The following VGLL3 variants were observed in gnomAD, a reference collection of about 807,000 sequenced individuals.
VGLL3 encodes the protein transcription cofactor vestigial-like protein 3.
In VGLL3, 18 loss-of-function variants were observed where a neutral mutation model predicts 29.2. The observed-to-expected ratio is 0.62, with a 90% confidence interval of 0.43 to 0.91. VGLL3 has a LOEUF of 0.91. Ranked by LOEUF, VGLL3 falls within the 40% of genes least tolerant of loss-of-function variation. The probability of loss-of-function intolerance (pLI) is 0.00; values close to 1 mark genes in which losing one functional copy is unlikely to be tolerated. For missense variants in VGLL3, 440 were observed against 413.2 expected (o/e 1.06, Z -0.56); for synonymous variants, 180 against 151.8 (o/e 1.19, Z -1.36).
intron 1 of VGLL3, among the ~76,000 whole-genome samples, chr3:86,982,722 C>A (rs768035940): frequency 6.6e-6 from 1 of 152,058 alleles, no homozygotes; most frequent in Non-Finnish European, 1.5e-5. Flanking sequence ...TTATGTTTTT[C>A]TTCGAAGACC....
Position 86,964,616 on chromosome 3 carries a change from A to G in VGLL3, c.937+3974T>C, listed in dbSNP as rs558100182. Among the ~76,000 whole-genome samples, 4 of 152,324 alleles carry G rather than the reference A, an allele frequency of 2.6e-5. No homozygotes were observed. The South Asian group carries it at 8.3e-4, about 32-fold the overall frequency. The stretch of plus-strand genomic sequence containing the variant: ...TGAGGGTGGAGGCCTCATGAATGGC[A>G]TTAGTGCCCTTATAAAAGAGATCCT... On this transcript the variant is annotated intron_variant, in intron 3 of 3. Coordinates refer to ENST00000398399, the MANE Select transcript of VGLL3 (RefSeq NM_016206.4).
intron 3 of VGLL3, chr3:86,962,246 C>T (rs1199012498): frequency 1.0e-6 from 1 of 985,238 alleles, no homozygotes; most frequent in Admixed American, 6.1e-5. Context: ...TATGTAATAC[C>T]TGTTCAACAG....
intron 3 of VGLL3, among the ~76,000 whole-genome samples, chr3:86,947,587 T>G (rs888089658): frequency 3.9e-5 from 6 of 152,084 alleles, no homozygotes; most frequent in Non-Finnish European, 7.4e-5. Flanking sequence ...AAAAACTGAG[T>G]CTACTATAGT....
At chr3:86,974,068 G>T (rs1960268) in intron 2 of VGLL3, among the ~76,000 whole-genome samples, 112,804 of 151,818 alleles carry the variant, frequency 0.74, 42,017 homozygotes, top group East Asian at 0.8. Flanking sequence ...AGGGTATCAA[G>T]AAACATATAT....
intron 3 of VGLL3, among the ~76,000 whole-genome samples, chr3:86,951,094 A>G (rs1281043800): frequency 6.6e-6 from 1 of 152,168 alleles, no homozygotes; most frequent in Non-Finnish European, 1.5e-5. Context: ...CATAAAAAAA[A>G]AGACACCCAC....
intron 3 of VGLL3, among the ~76,000 whole-genome samples, chr3:86,950,354 T>C (rs1055748607): frequency 6.6e-6 from 1 of 152,228 alleles, no homozygotes; most frequent in Non-Finnish European, 1.5e-5. Context: ...TTCATGCTCC[T>C]AATCATGCTA....
chr3:86,963,012 T>C, intron 3 of VGLL3: 1 of 242,696 alleles, frequency 4.1e-6, no homozygotes, highest in South Asian at 3.4e-5. Flanking sequence ...GGACAATTGG[T>C]TGAACTCGGG....
intron 1 of VGLL3, among the ~76,000 whole-genome samples, chr3:86,981,495 T>C (rs1705323150): frequency 6.6e-6 from 1 of 151,958 alleles, no homozygotes; most frequent in Middle Eastern, 3.4e-3. Flanking sequence ...TTTTATTTCA[T>C]ATATGTAATA....
rs966710058 is a variant in VGLL3, at chr3:86,940,615, A to G, written c.*6409T>C. 7 of 152,536 alleles carry G rather than the reference A, an allele frequency of 4.6e-5. No homozygotes were observed. The highest frequency in any genetic ancestry group is 1.9e-4 in the East Asian group (1 of 5,190). The allele number at this position is 152,536 out of a possible 1,614,324, so 9.4% of individuals were successfully genotyped here. A position where few individuals can be genotyped will look rare whatever the true frequency, so the allele number is the denominator to read the frequency against. On this transcript the variant is annotated 3_prime_UTR_variant, in exon 4 of 4. Transcript: ENST00000398399. ...GAAATGCAGACCAAATCCAAATGCT[A>G]TGTTAAAATACAAACATTCAATTCA...
At chr3:86,949,376 T>C (rs1704567727) in intron 3 of VGLL3, among the ~76,000 whole-genome samples, 1 of 152,162 alleles carries the variant, frequency 6.6e-6, no homozygotes, top group African/African-American at 2.4e-5. Flanking sequence ...AGATATCTAA[T>C]GGACCCTTGT....
intron 2 of VGLL3, among the ~76,000 whole-genome samples, chr3:86,973,975 G>T (rs539621197): frequency 6.6e-6 from 1 of 152,158 alleles, no homozygotes; most frequent in South Asian, 2.1e-4. Context: ...TCAGTGCATA[G>T]GCATATTTGA....
intron 2 of VGLL3, among the ~76,000 whole-genome samples, chr3:86,975,267 T>C (rs530490484): frequency 1.3e-5 from 2 of 152,296 alleles, no homozygotes; most frequent in Admixed American, 6.5e-5. Flanking sequence ...TTTATGAGAA[T>C]AAAAATGTGA....
Position 86,938,287 on chromosome 3 carries a change from A to T in VGLL3, c.*8737T>A, listed in dbSNP as rs1329662757. 1 of 152,328 alleles carries T rather than the reference A, an allele frequency of 6.6e-6. No individual in the cohort carries two copies. Among genetic ancestry groups the T allele is most frequent in the Non-Finnish European group, 1.5e-5 (1 of 68,044 alleles). 9.4% of individuals were successfully genotyped at this position (152,328 alleles called of 1,614,324 possible). ...AGAAGTATTTTTTGTAAGAAAAATG[A>T]TAACACTGGACAGATTTTTCATGTA... On this transcript the variant is annotated 3_prime_UTR_variant, in exon 4 of 4. Coordinates refer to ENST00000398399, the MANE Select transcript of VGLL3 (RefSeq NM_016206.4).
At chr3:86,987,608 G>A (rs1042802800) in intron 1 of VGLL3, among the ~76,000 whole-genome samples, 8 of 152,272 alleles carry the variant, frequency 5.3e-5, no homozygotes, top group Admixed American at 1.3e-4. Context: ...AGAAAGAGAT[G>A]GTGGGCATGC....
At chr3:86,952,336 T>C (rs2106968314) in intron 3 of VGLL3, among the ~76,000 whole-genome samples, 1 of 152,312 alleles carries the variant, frequency 6.6e-6, no homozygotes, top group Non-Finnish European at 1.5e-5. Context: ...TTAGGTACTG[T>C]TTGTTTGTCA....
intron 2 of VGLL3, among the ~76,000 whole-genome samples, chr3:86,974,123 T>TA (rs1705160742): frequency 6.9e-6 from 1 of 144,880 alleles, no homozygotes; most frequent in African/African-American, 2.5e-5. Flanking sequence ...GGTTTGTTAT[T>TA]TTTTTTTTTT....
chr3:86,946,417 GA>G lies in VGLL3; in HGVS notation c.*606del, dbSNP rs1370149758. ...ACGGTATAGCTACTTTTGTAAGAAG[GA>G]AAAAAACAAAACATTTGAGGTAACC... On this transcript the variant is annotated 3_prime_UTR_variant, in exon 4 of 4. Transcript: ENST00000398399. 1.3e-5 allele frequency: 2 copies of G among 151,992 alleles called. No individual in the cohort carries two copies. The highest frequency in any genetic ancestry group is 1.9e-4 in the East Asian group (1 of 5,190). 9.4% of individuals were successfully genotyped at this position (151,992 alleles called of 1,614,324 possible). A position where few individuals can be genotyped will look rare whatever the true frequency, so the allele number is the denominator to read the frequency against.
At chr3:86,951,980 G>A (rs1320105506) in intron 3 of VGLL3, among the ~76,000 whole-genome samples, 1 of 152,092 alleles carries the variant, frequency 6.6e-6, no homozygotes, top group Non-Finnish European at 1.5e-5. Context: ...GAGAATGCCT[G>A]GAGAAACAGA....
intron 3 of VGLL3, among the ~76,000 whole-genome samples, chr3:86,965,088 T>C (rs1228465470): frequency 1.3e-5 from 2 of 149,404 alleles, no homozygotes; most frequent in African/African-American, 4.9e-5. Context: ...ACCCAGGAAG[T>C]GAAGGTTGCG....
Sources: allele counts gnomAD v4.1 joint callset (sites outside exome capture counted in the v4.1 genomes callset), GRCh38; gene constraint gnomAD v4.1.1; transcripts MANE v1.5; gene names NCBI Gene and HGNC (gene_info 2026-07-23, HGNC 2026-07-21).